Variants in COL20A1 observed in about 807,000 individuals in gnomAD.
COL20A1 encodes the protein collagen alpha-1(XX) chain.
COL20A1 carries 164 observed loss-of-function variants against 152.9 expected under a neutral mutation model. The ratio of observed to expected loss-of-function variants is 1.07; its 90% CI spans 0.94 to 1.22. COL20A1 has a LOEUF of 1.22. Ranked by LOEUF, COL20A1 falls within the 50% of genes most tolerant of loss-of-function variation. COL20A1 has a pLI of 0.00. For missense variants in COL20A1, 1,873 were observed against 1,744.8 expected (o/e 1.07, Z -1.31); for synonymous variants, 864 against 756.0 (o/e 1.14, Z -2.34).
In COL20A1 at chr20:63,331,372, A is replaced by G. The variant is rs2068332232; in HGVS notation, c.*656A>G. ...GAAGGAGTTCAGATCCTGTGTGTGAATGGCCACCCCTCACCCACCCAGCCC... is the reference window on the plus strand; with the variant it reads ...GAAGGAGTTCAGATCCTGTGTGTGAGTGGCCACCCCTCACCCACCCAGCCC... On this transcript the variant is annotated 3_prime_UTR_variant, in exon 36 of 36. Coordinates refer to ENST00000358894, the MANE Select transcript of COL20A1 (RefSeq NM_020882.4). 1 of 152,234 alleles carries G rather than the reference A, an allele frequency of 6.6e-6. No individual in the cohort carries two copies. Among genetic ancestry groups the G allele is most frequent in the Non-Finnish European group, 1.5e-5 (1 of 68,088 alleles). The allele number at this position is 152,234 out of a possible 1,614,324, so 9.4% of individuals were successfully genotyped here.
Position 63,313,089 on chromosome 20 carries a change from G to C in COL20A1, c.2077-28G>C. 2 of 1,593,912 alleles carry C rather than the reference G, an allele frequency of 1.3e-6. No homozygotes were observed. Among genetic ancestry groups the C allele is most frequent in the Non-Finnish European group, 1.7e-6 (2 of 1,170,942 alleles). On this transcript the variant is annotated intron_variant, in intron 16 of 35. Coordinates refer to ENST00000358894, the MANE Select transcript of COL20A1 (RefSeq NM_020882.4). The surrounding 1 kb of genome is among the most constrained non-coding windows in gnomAD (Gnocchi z 5.9). The stretch of plus-strand genomic sequence containing the variant: ...CAACCTGAGGACCCCACTGCACCCG[G>C]TGACCCCTGGGGCTCTCCTCTCCCT...
chr20:63,302,898 G>C lies in COL20A1; in HGVS notation c.194-2519G>C, dbSNP rs1383775680. 7.6e-4 allele frequency among the ~76,000 whole-genome samples: 115 copies of C among 152,140 alleles called. 1 individual carries two copies. Among genetic ancestry groups the C allele is most frequent in the Admixed American group, 7.5e-3 (114 of 15,274 alleles). The stretch of plus-strand genomic sequence containing the variant: ...CTGGCAGTTACATCCTGGAAGTTTG[G>C]TCAGACTCAAGTTTGATTATATTTG... On this transcript the variant is annotated intron_variant, in intron 3 of 35. Coordinates refer to ENST00000358894, the MANE Select transcript of COL20A1 (RefSeq NM_020882.4).
intron 20 of COL20A1, 129 bp from the exon 21 acceptor site, chr20:63,316,424 T>C: frequency 5.2e-6 from 1 of 191,156 alleles, no homozygotes; most frequent in South Asian, 9.1e-5. Context: ...CCCACGCCGC[T>C]CCGTCACCCC....
rs921167514 is a variant in COL20A1 at position 63,309,551 on chromosome 20, A to G, written c.1105+54A>G. The G allele has an allele frequency of 2.0e-5, 28 of 1,433,944 alleles. No homozygotes were observed. In the East Asian group the frequency reaches 7.4e-4, roughly 38 times the overall value. 88.8% of individuals were successfully genotyped at this position (1,433,944 alleles called of 1,614,324 possible). A position where few individuals can be genotyped will look rare whatever the true frequency, so the allele number is the denominator to read the frequency against. On this transcript the variant is annotated intron_variant, in intron 9 of 35. Transcript: ENST00000358894. ...GCAGCCCCCCCGGCTGCTTTGGGCA[A>G]AGGGTTGGGGGGACGCTGTGGCTCC... is the stretch of plus-strand genomic sequence containing the variant.
Position 63,297,828 on chromosome 20 carries a change from G to A in COL20A1, c.83-82G>A, listed in dbSNP as rs186139748. On this transcript the variant is annotated intron_variant, in intron 2 of 35. Coordinates refer to ENST00000358894, the MANE Select transcript of COL20A1 (RefSeq NM_020882.4). ...GACTGTGTTCCTCCCAAATGCTGAG[G>A]GCAGGATGCCTGTACCCCCACAGCT... is the stretch of plus-strand genomic sequence containing the variant. The A allele has an allele frequency of 1.2e-3, 1,311 of 1,065,030 alleles. 2 individuals are homozygous for A. Among genetic ancestry groups the A allele is most frequent in the African/African-American group, 9.5e-3 (613 of 64,612 alleles). The allele number at this position is 1,065,030 out of a possible 1,614,324, so 66.0% of individuals were successfully genotyped here.
rs746587840 is a variant in COL20A1 at position 63,319,533 on chromosome 20, C to A, written c.2853C>A (p.Ala951=). Residue 951 remains alanine, a synonymous_variant, in exon 23 of 36, where the codon GCC becomes GCA. Coordinates refer to ENST00000358894, the MANE Select transcript of COL20A1 (RefSeq NM_020882.4). This position sits in a 1 kb window ranked among gnomAD's most constrained non-coding sequence, Gnocchi z 4.4. Reference sequence around the variant, plus strand: ...ACTTCCACCGTGACCCCAGGGCTGCCTTGCAGGAGGCCACCTTCGACCCGC... The same window carrying A: ...ACTTCCACCGTGACCCCAGGGCTGCATTGCAGGAGGCCACCTTCGACCCGC... ...LTYFHRDPRA[A]LQEATFDPQE... 1.3e-6 allele frequency: 2 copies of A among 1,597,108 alleles called. No individual in the cohort carries two copies. Among genetic ancestry groups the A allele is most frequent in the Admixed American group, 1.7e-5 (1 of 58,136 alleles).
chr20:63,316,831 C>T (rs748663235), intron 21 of COL20A1, 140 bp downstream of exon 21: 120 of 721,912 alleles, frequency 1.7e-4, no homozygotes, highest in Non-Finnish European at 2.2e-4. Flanking sequence ...TGTCAGCAAA[C>T]GGCTGACTCA....
intron 34 of COL20A1, chr20:63,329,170 C>T (rs1255817891): frequency 9.9e-6 from 2 of 201,826 alleles, no homozygotes; most frequent in Non-Finnish European, 2.0e-5. Context: ...TCTCAGGAAA[C>T]TGGGGGCAAC....
intron 3 of COL20A1, 46 bp downstream of exon 3, chr20:63,298,066 C>G (rs138784279): frequency 7.3e-7 from 1 of 1,374,592 alleles, no homozygotes. Context: ...TAGCACGTGC[C>G]GAGGACAGTC....
intron 19 of COL20A1, 38 bp from the exon 20 acceptor site, chr20:63,315,366 C>T: frequency 6.4e-7 from 1 of 1,551,386 alleles, no homozygotes. Flanking sequence ...GGAGGCTGGG[C>T]CGCTCCCACT....
chr20:63,296,702 C>T (rs145815502), intron 2 of COL20A1, among the ~76,000 whole-genome samples: 2,147 of 152,298 alleles, frequency 0.014, 28 homozygotes, highest in Middle Eastern at 0.044. Context: ...GCAGGGGCTG[C>T]GGGAGGGGCC....
At chr20:63,328,932 T>C (rs1298281152) in intron 34 of COL20A1, among the ~76,000 whole-genome samples, 1 of 152,012 alleles carries the variant, frequency 6.6e-6, no homozygotes, top group Non-Finnish European at 1.5e-5. Context: ...GTGACCTTGT[T>C]GGTGCTCCTC....
Position 63,313,457 on chromosome 20 carries a change from A to G in COL20A1, c.2209+208A>G, listed in dbSNP as rs1411458333. 6.6e-6 allele frequency among the ~76,000 whole-genome samples: 1 copy of G among 151,998 alleles called. No individual in the cohort carries two copies. The highest frequency in any genetic ancestry group is 2.4e-5 in the African/African-American group (1 of 41,368). ...GTTCCCCCAGTGGCCGAGTGCACAAACCACCTAGTGTCCCGCAGGGCAGCC... is the reference window on the plus strand; with the variant it reads ...GTTCCCCCAGTGGCCGAGTGCACAAGCCACCTAGTGTCCCGCAGGGCAGCC... On this transcript the variant is annotated intron_variant, in intron 17 of 35. Coordinates refer to ENST00000358894, the MANE Select transcript of COL20A1 (RefSeq NM_020882.4). This position sits in a 1 kb window ranked among gnomAD's most constrained non-coding sequence, Gnocchi z 5.9.
chr20:63,312,144 AAC>A (rs138795296), intron 14 of COL20A1, 89 bp downstream of exon 14: 83,407 of 1,401,284 alleles, frequency 0.06, 2,879 homozygotes, highest in South Asian at 0.1. Flanking sequence ...ACCATCAGAT[AAC>A]ACATTCAAAA....
rs2067990753 is a variant in COL20A1, at chr20:63,310,460, C to T, written c.1343C>T (p.Pro448Leu). ...SRTEYLVSVF[P>L]IYEGGVGEGL... ...ACAGAGTACCTGGTCTCCGTGTTCC[C>T]CATCTATGAGGGCGGGGTTGGCGAA... Residue 448 changes from proline to leucine, a missense_variant, in exon 11 of 36, where the codon CCC (proline) becomes CTC (leucine). By Grantham distance (98) the Pro-to-Leu change is moderately conservative. Coordinates refer to ENST00000358894, the MANE Select transcript of COL20A1 (RefSeq NM_020882.4). 1.2e-6 allele frequency: 2 copies of T among 1,609,026 alleles called. No homozygotes were observed. Among genetic ancestry groups the T allele is most frequent in the Admixed American group, 1.7e-5 (1 of 59,606 alleles).
chr20:63,300,789 A>G (rs933700718), intron 3 of COL20A1, among the ~76,000 whole-genome samples: 1 of 152,152 alleles, frequency 6.6e-6, no homozygotes, highest in Non-Finnish European at 1.5e-5. Context: ...AAAACTATTG[A>G]ATTTTCTTCT....
chr20:63,320,873 C>G, intron 25 of COL20A1, 140 bp from the exon 26 acceptor site: 1 of 653,942 alleles, frequency 1.5e-6, no homozygotes. Flanking sequence ...CACTTGGGCC[C>G]CTGACCTTCG....
In COL20A1 at chr20:63,319,224, C is replaced by G. The variant is rs1346120829; in HGVS notation, c.2806+24C>G. The G allele has an allele frequency of 6.2e-7, 1 of 1,606,200 alleles. No homozygotes were observed. The highest frequency in any genetic ancestry group is 8.5e-7 in the Non-Finnish European group (1 of 1,176,786). On this transcript the variant is annotated intron_variant, in intron 22 of 35. Coordinates refer to ENST00000358894, the MANE Select transcript of COL20A1 (RefSeq NM_020882.4). This position sits in a 1 kb window ranked among gnomAD's most constrained non-coding sequence, Gnocchi z 4.4. ...TGGTGACGTGGGCCCCGCGTCGCCC[C>G]CAGCAGTCAGGAGGAGTAGGGGCAG... is the stretch of plus-strand genomic sequence containing the variant.
chr20:63,309,510 G>T lies in COL20A1; in HGVS notation c.1105+13G>T. ...CGGCAGGGCCCAGGTGAGGGGCAGG[G>T]TCACCCGCACAGGCTGCAGCCCCCC... On this transcript the variant is annotated intron_variant, in intron 9 of 35. Coordinates refer to ENST00000358894, the MANE Select transcript of COL20A1 (RefSeq NM_020882.4). The T allele has an allele frequency of 2.0e-6, 3 of 1,497,306 alleles. No homozygotes were observed. Among genetic ancestry groups the T allele is most frequent in the Non-Finnish European group, 2.7e-6 (3 of 1,119,184 alleles). 92.8% of individuals were successfully genotyped at this position (1,497,306 alleles called of 1,614,324 possible).
Sources: allele counts gnomAD v4.1 joint callset (sites outside exome capture counted in the v4.1 genomes callset), GRCh38; gene constraint gnomAD v4.1.1; non-coding constraint Gnocchi (gnomAD v3.1); transcripts MANE v1.5; gene names NCBI Gene and HGNC (gene_info 2026-07-23, HGNC 2026-07-21).